RBFOX1: variants seen among roughly 807,000 people sequenced by gnomAD.
The protein encoded by RBFOX1 is RNA binding fox-1 homolog 1.
Under a neutral mutation model 57.7 loss-of-function variants are expected in RBFOX1, and 8 were observed. The ratio of observed to expected loss-of-function variants is 0.14; its 90% confidence interval spans 0.08 to 0.25. The LOEUF is 0.25. RBFOX1 is among the 10% of genes least tolerant of loss of function. The pLI is 1.00. For synonymous variants in RBFOX1, 326 were observed against 222.4 expected (o/e 1.47, Z -4.15); for missense variants, 611 against 548.5 (o/e 1.11, Z -1.14).
At chr16:7,446,055 C>T (rs958189239) in intron 4 of RBFOX1, among the ~76,000 whole-genome samples, 1 of 152,168 alleles carries the variant, frequency 6.6e-6, no homozygotes, top group Admixed American at 6.5e-5. Flanking sequence ...CGCTTTGCTC[C>T]CCTGCTACTC....
At chr16:5,604,489 C>G (rs1022009293), downstream of RBFOX1, among the ~76,000 whole-genome samples, 2 of 152,188 alleles carry the variant, frequency 1.3e-5, no homozygotes, top group African/African-American at 4.8e-5. Flanking sequence ...ATGGCCCTCT[C>G]CACAGGCAGT....
chr16:6,568,767 C>G (rs1481218331), intron 2 of RBFOX1, among the ~76,000 whole-genome samples: 1 of 151,674 alleles, frequency 6.6e-6, no homozygotes, highest in Non-Finnish European at 1.5e-5. Context: ...GTGCTTATAA[C>G]TCTTTTTTTT....
chr16:7,090,908 C>T (rs2060733394), intron 4 of RBFOX1, among the ~76,000 whole-genome samples: 1 of 151,626 alleles, frequency 6.6e-6, no homozygotes, highest in Admixed American at 6.6e-5. Context: ...CCAGCACAAA[C>T]TCCTGCTCTC....
chr16:6,658,437 G>C (rs998059254), intron 3 of RBFOX1, among the ~76,000 whole-genome samples: 1 of 151,998 alleles, frequency 6.6e-6, no homozygotes, highest in Non-Finnish European at 1.5e-5. Flanking sequence ...TTGAACTCCT[G>C]ACCTCGTGAT....
At chr16:6,125,886 A>G (rs561408829) in intron 1 of RBFOX1, among the ~76,000 whole-genome samples, 2 of 152,186 alleles carry the variant, frequency 1.3e-5, no homozygotes, top group African/African-American at 2.4e-5. Context: ...CTGAAGGATT[A>G]TGAGGCTGCT....
chr16:5,545,756 A>G (rs748180538), intron 2 of RBFOX1, among the ~76,000 whole-genome samples: 29 of 152,304 alleles, frequency 1.9e-4, no homozygotes, highest in Non-Finnish European at 3.7e-4. Context: ...GAAAGACTGA[A>G]TGCTTTCTGC....
intron 1 of RBFOX1, among the ~76,000 whole-genome samples, chr16:5,343,612 C>T (rs974332546): frequency 9.2e-5 from 14 of 152,090 alleles, no homozygotes; most frequent in African/African-American, 1.9e-4. Context: ...TGAGCCACTG[C>T]GCCCGGCCAC....
chr16:6,064,053 A>G (rs1020390869), intron 1 of RBFOX1, among the ~76,000 whole-genome samples: 1 of 152,152 alleles, frequency 6.6e-6, no homozygotes, highest in Non-Finnish European at 1.5e-5. Context: ...TTCCCTATAT[A>G]TTGTACATAT....
intron 1 of RBFOX1, among the ~76,000 whole-genome samples, chr16:5,341,162 A>T (rs916852929): frequency 3.9e-5 from 6 of 152,136 alleles, no homozygotes; most frequent in Admixed American, 3.3e-4. Flanking sequence ...AGGGGGGAGT[A>T]GGAGGAGAGG....
intron 3 of RBFOX1, among the ~76,000 whole-genome samples, chr16:7,016,297 C>T (rs1390994687): frequency 6.6e-6 from 1 of 152,076 alleles, no homozygotes; most frequent in Non-Finnish European, 1.5e-5. Flanking sequence ...GATCCTTCTG[C>T]CATACTATTC....
chr16:5,765,524 A>C (rs999737664), intron 3 of RBFOX1, among the ~76,000 whole-genome samples: 1 of 152,220 alleles, frequency 6.6e-6, no homozygotes, highest in Non-Finnish European at 1.5e-5. Context: ...GACTTTGTCT[A>C]ATTCATGGCT....
At chr16:6,568,571 A>C (rs2097299982) in intron 2 of RBFOX1, among the ~76,000 whole-genome samples, 1 of 152,154 alleles carries the variant, frequency 6.6e-6, no homozygotes, top group Admixed American at 6.6e-5. Flanking sequence ...GAGATGGCAC[A>C]AAGGCACGAA....
intron 3 of RBFOX1, among the ~76,000 whole-genome samples, chr16:6,986,503 G>C (rs1030223159): frequency 1.3e-5 from 2 of 152,124 alleles, no homozygotes; most frequent in Admixed American, 1.3e-4. Flanking sequence ...CCAGCCCCAG[G>C]CTGGTTTTGA....
At chr16:7,360,654 T>C (rs2097303192) in intron 4 of RBFOX1, among the ~76,000 whole-genome samples, 1 of 152,186 alleles carries the variant, frequency 6.6e-6, no homozygotes, top group African/African-American at 2.4e-5. Context: ...AAAGTTCCTC[T>C]CCCTTGCTTG....
chr16:6,606,160 G>A (rs1214942369), intron 2 of RBFOX1, among the ~76,000 whole-genome samples: 1 of 152,116 alleles, frequency 6.6e-6, no homozygotes, highest in Non-Finnish European at 1.5e-5. Context: ...TGTATTTCCA[G>A]TAACATGCAA....
At chr16:7,370,545 C>T (rs1240897747) in intron 4 of RBFOX1, among the ~76,000 whole-genome samples, 7 of 152,328 alleles carry the variant, frequency 4.6e-5, no homozygotes, top group African/African-American at 1.7e-4. Flanking sequence ...CTCTTTTTAA[C>T]TCCTCTAAAG....
chr16:6,609,638 G>A (rs1194200615), intron 2 of RBFOX1, among the ~76,000 whole-genome samples: 1 of 152,062 alleles, frequency 6.6e-6, no homozygotes, highest in Non-Finnish European at 1.5e-5. Flanking sequence ...AGCTGTTTGG[G>A]GGAATCCTGA....
At chr16:7,275,404 T>C (rs2095421257) in intron 4 of RBFOX1, among the ~76,000 whole-genome samples, 1 of 152,248 alleles carries the variant, frequency 6.6e-6, no homozygotes. Context: ...TTCATTCATT[T>C]ATCAAATATT....
intron 4 of RBFOX1, among the ~76,000 whole-genome samples, chr16:7,166,927 A>G (rs1358541971): frequency 7.9e-6 from 1 of 126,206 alleles, no homozygotes. Context: ...TTCTTTCTTT[A>G]CTGATGACAT....
Sources: gnomAD v4.1 joint callset for allele counts (sites outside exome capture counted in the v4.1 genomes callset) on GRCh38, gnomAD v4.1.1 for gene constraint, MANE v1.5 for transcripts, NCBI Gene and HGNC (gene_info 2026-07-23, HGNC 2026-07-21) for gene names.